AIM2: variants seen among roughly 807,000 people sequenced by gnomAD.
AIM2 encodes the protein interferon-inducible protein AIM2.
In AIM2, 30 loss-of-function variants were observed where a neutral mutation model predicts 27.7. The ratio of observed to expected loss-of-function variants is 1.08; its 90% CI spans 0.81 to 1.47. AIM2 has a LOEUF of 1.47. Ranked by LOEUF, AIM2 falls within the 40% of genes most tolerant of loss-of-function variation. AIM2 has a pLI of 0.00. For synonymous variants in AIM2, 141 were observed against 145.3 expected (o/e 0.97, Z 0.21); for missense variants, 358 against 411.3 (o/e 0.87, Z 1.12).
intron 2 of AIM2, 106 bp downstream of exon 2, chr1:159,073,132 A>G (rs536152094): frequency 2.1e-6 from 3 of 1,417,456 alleles, no homozygotes; most frequent in East Asian, 4.6e-5. Context: ...TTAGCAAACA[A>G]ATTCCAACAA....
Position 159,062,505 on chromosome 1 carries a change from T to C in AIM2, c.*187A>G, listed in dbSNP as rs1655871490. ...GTAATGAATGAGAAACAGATGTTTA[T>C]TGTGATCATCTGTTGATATTCTGAA... is the stretch of plus-strand genomic sequence containing the variant. On this transcript the variant is annotated 3_prime_UTR_variant, in exon 6 of 6. Coordinates refer to ENST00000368130, the MANE Select transcript of AIM2 (RefSeq NM_004833.3). 9.9e-6 allele frequency: 6 copies of C among 608,386 alleles called. No homozygotes were observed. Among genetic ancestry groups the C allele is most frequent in the Non-Finnish European group, 1.2e-5 (4 of 342,234 alleles). 37.7% of individuals were successfully genotyped at this position (608,386 alleles called of 1,614,324 possible).
upstream of AIM2, among the ~76,000 whole-genome samples, chr1:159,078,237 C>G (rs1656682319): frequency 6.6e-6 from 1 of 152,170 alleles, no homozygotes; most frequent in South Asian, 2.1e-4. Flanking sequence ...TTTGTTTATT[C>G]TCTGCCTCAT....
intron 1 of AIM2, among the ~76,000 whole-genome samples, chr1:159,110,730 C>T (rs1657550618): frequency 6.6e-6 from 1 of 152,150 alleles, no homozygotes; most frequent in African/African-American, 2.4e-5. Context: ...CTATTTCCTG[C>T]CCCTCTAGAT....
chr1:159,068,794 T>C, intron 2 of AIM2, 93 bp from the exon 3 acceptor site: 2 of 1,266,766 alleles, frequency 1.6e-6, no homozygotes, highest in Non-Finnish European at 2.2e-6. Context: ...ACTAAAACCA[T>C]ATTAAGATAT....
At chr1:159,098,521 T>C (rs1040544504) in intron 1 of AIM2, among the ~76,000 whole-genome samples, 2 of 152,336 alleles carry the variant, frequency 1.3e-5, no homozygotes, top group South Asian at 2.1e-4. Flanking sequence ...AACAGAGATA[T>C]AGAATATTTC....
chr1:159,067,400 G>A lies in AIM2; in HGVS notation c.397-1071C>T, dbSNP rs1033978757. Among the ~76,000 whole-genome samples the A allele has an allele frequency of 2.6e-5, 4 of 152,158 alleles. No homozygotes were observed. In the South Asian group the frequency reaches 6.2e-4, roughly 24 times the overall value. ...CCATTTAGAACCAAAGGGAAATACA[G>A]GGCAAAACAAACAGAGGCATAAAAA... On this transcript the variant is annotated intron_variant, in intron 3 of 5. Transcript: ENST00000368130.
At chr1:159,108,384 G>A (rs1657497441) in intron 1 of AIM2, among the ~76,000 whole-genome samples, 1 of 152,024 alleles carries the variant, frequency 6.6e-6, no homozygotes, top group Non-Finnish European at 1.5e-5. Context: ...GCTTACAATG[G>A]ACATACCTCA....
intron 1 of AIM2, among the ~76,000 whole-genome samples, chr1:159,135,625 T>C (rs913542473): frequency 1.3e-5 from 2 of 152,108 alleles, no homozygotes; most frequent in Non-Finnish European, 2.9e-5. Flanking sequence ...TAATAGAAAA[T>C]TTTTTTAAGT....
At chr1:159,062,780 T>G (rs1460662770) in intron 5 of AIM2, 62 bp from the exon 6 acceptor site, 93 of 1,477,698 alleles carry the variant, frequency 6.3e-5, no homozygotes, top group Non-Finnish European at 7.9e-5. Flanking sequence ...CTCCACTGTT[T>G]GCAGTCACTA....
intron 1 of AIM2, among the ~76,000 whole-genome samples, chr1:159,084,225 T>C (rs1656845024): frequency 6.6e-6 from 1 of 152,162 alleles, no homozygotes; most frequent in Admixed American, 6.5e-5. Flanking sequence ...TTTGGCATAT[T>C]TGTACATAAT....
chr1:159,119,998 A>G (rs1647489229), intron 1 of AIM2, among the ~76,000 whole-genome samples: 1 of 152,110 alleles, frequency 6.6e-6, no homozygotes, highest in African/African-American at 2.4e-5. Context: ...GCATTATGTT[A>G]TATATAATCT....
intron 1 of AIM2, among the ~76,000 whole-genome samples, chr1:159,089,811 C>G (rs1657005751): frequency 6.6e-6 from 1 of 152,232 alleles, no homozygotes; most frequent in African/African-American, 2.4e-5. Flanking sequence ...ACTGCTCTTT[C>G]ATCTCTGCCC....
rs151069002 is a variant in AIM2 at position 159,139,498 on chromosome 1, T to G, written c.-16+933A>C. ...GTACAACAAACTTTTCATCCATTTT[T>G]TACACTTGTAGGAAAGACAATATAC... is the stretch of plus-strand genomic sequence containing the variant. On this transcript the variant is annotated intron_variant, in intron 1 of 2. Transcript: ENST00000368129. Among the ~76,000 whole-genome samples the G allele has an allele frequency of 5.9e-3, 896 of 152,352 alleles. 4 individuals are homozygous for G. Among genetic ancestry groups the G allele is most frequent in the Non-Finnish European group, 9.0e-3 (612 of 68,026 alleles).
intron 1 of AIM2, among the ~76,000 whole-genome samples, chr1:159,130,906 T>C (rs1421152907): frequency 6.6e-6 from 1 of 151,886 alleles, no homozygotes; most frequent in Non-Finnish European, 1.5e-5. Flanking sequence ...CCTAACTCCT[T>C]AAGAAGGTTT....
intron 1 of AIM2, among the ~76,000 whole-genome samples, chr1:159,105,767 G>C (rs951019198): frequency 6.6e-6 from 1 of 152,128 alleles, no homozygotes. Flanking sequence ...TGAATCTGTG[G>C]TTTTTATGGG....
intron 1 of AIM2, among the ~76,000 whole-genome samples, chr1:159,111,131 C>T (rs188317643): frequency 2.5e-4 from 38 of 152,172 alleles, no homozygotes; most frequent in African/African-American, 8.9e-4. Flanking sequence ...TACCAGCTCA[C>T]AAAAACAACC....
intron 1 of AIM2, among the ~76,000 whole-genome samples, chr1:159,086,634 C>A (rs1227530280): frequency 6.6e-6 from 1 of 152,180 alleles, no homozygotes; most frequent in Admixed American, 6.5e-5. Flanking sequence ...ATTTTCCCAT[C>A]ATCTCCAGGA....
chr1:159,111,672 A>C (rs1657574517), intron 1 of AIM2, among the ~76,000 whole-genome samples: 1 of 152,050 alleles, frequency 6.6e-6, no homozygotes, highest in Non-Finnish European at 1.5e-5. Context: ...AGAAAAAAGC[A>C]GTATAATATA....
intron 1 of AIM2, among the ~76,000 whole-genome samples, chr1:159,134,553 C>G (rs552503448): frequency 1.3e-5 from 2 of 152,178 alleles, no homozygotes; most frequent in Non-Finnish European, 2.9e-5. Context: ...TTCATCCGGC[C>G]GAGTGCGGTG....
Sources: allele counts gnomAD v4.1 joint callset (sites outside exome capture counted in the v4.1 genomes callset), GRCh38; gene constraint gnomAD v4.1.1; transcripts MANE v1.5; gene names NCBI Gene and HGNC (gene_info 2026-07-23, HGNC 2026-07-21).